TSHZ2: variants seen among roughly 807,000 people sequenced by gnomAD.
TSHZ2 encodes the protein teashirt zinc finger homeobox 2, also known as teashirt homolog 2.
Under a neutral mutation model 74.4 loss-of-function variants are expected in TSHZ2, and 21 were observed. That is an observed-to-expected ratio of 0.28 (90% CI 0.20 to 0.41). TSHZ2 has a LOEUF of 0.41. TSHZ2 is among the 10% of genes least tolerant of loss of function. The pLI, the probability that TSHZ2 is intolerant of heterozygous loss-of-function variation, is 1.00. For missense variants in TSHZ2, 1,244 were observed against 1,293.5 expected, an observed-to-expected ratio of 0.96 and a Z score of 0.59; for synonymous variants, 540 against 515.3, an observed-to-expected ratio of 1.05 and a Z score of -0.65.
intron 1 of TSHZ2, among the ~76,000 whole-genome samples, chr20:53,053,204 G>A (rs1320908671): frequency 6.6e-6 from 1 of 152,194 alleles, no homozygotes; most frequent in African/African-American, 2.4e-5. Flanking sequence ...ATTCGTTCAT[G>A]TTGTATCAGC....
At chr20:53,329,416 A>T (rs543483986) in intron 2 of TSHZ2, among the ~76,000 whole-genome samples, 23 of 152,354 alleles carry the variant, frequency 1.5e-4, no homozygotes, top group South Asian at 6.2e-4. Context: ...CACAGACCCC[A>T]GGACTGTATT....
chr20:53,205,054 G>A (rs1448044649), intron 1 of TSHZ2, among the ~76,000 whole-genome samples: 2 of 149,850 alleles, frequency 1.3e-5, no homozygotes, highest in African/African-American at 2.5e-5. Flanking sequence ...TCTCGCCACT[G>A]CACTCCAGTC....
intron 1 of TSHZ2, among the ~76,000 whole-genome samples, chr20:53,213,956 A>G (rs1356207483): frequency 6.6e-6 from 1 of 152,182 alleles, no homozygotes; most frequent in East Asian, 1.9e-4. Flanking sequence ...AATATAGGAC[A>G]TTGTGCTAAG....
intron 2 of TSHZ2, among the ~76,000 whole-genome samples, chr20:53,351,519 G>C (rs113418919): frequency 3.3e-5 from 5 of 152,176 alleles, no homozygotes; most frequent in African/African-American, 1.2e-4. Context: ...GTCAAAAAAA[G>C]TTACATAAAA....
At chr20:53,130,145 G>C (rs1052497465) in intron 1 of TSHZ2, among the ~76,000 whole-genome samples, 1 of 151,660 alleles carries the variant, frequency 6.6e-6, no homozygotes, top group African/African-American at 2.4e-5. Flanking sequence ...ATTTCTTAGC[G>C]CTAGATGCTG....
intron 1 of TSHZ2, among the ~76,000 whole-genome samples, chr20:53,000,111 C>A (rs1270022669): frequency 1.3e-5 from 2 of 152,138 alleles, no homozygotes; most frequent in Non-Finnish European, 2.9e-5. Flanking sequence ...AGAGAAGGTT[C>A]AAGTAAGTAT....
chr20:53,191,512 C>T (rs891348200), intron 1 of TSHZ2, among the ~76,000 whole-genome samples: 1 of 152,068 alleles, frequency 6.6e-6, no homozygotes, highest in African/African-American at 2.4e-5. Flanking sequence ...AAATTACAAA[C>T]ATTAGCTGGG....
chr20:53,420,890 G>A (rs1282411339), intron 2 of TSHZ2, among the ~76,000 whole-genome samples: 2 of 152,238 alleles, frequency 1.3e-5, no homozygotes, highest in Admixed American at 6.5e-5. Flanking sequence ...AAGTCTTGCA[G>A]TAAAGTCTTG....
At chr20:53,405,398 A>G (rs1269871110) in intron 2 of TSHZ2, among the ~76,000 whole-genome samples, 1 of 152,230 alleles carries the variant, frequency 6.6e-6, no homozygotes, top group African/African-American at 2.4e-5. Flanking sequence ...GGGGACTGAC[A>G]TATATTATTT....
chr20:53,205,575 G>T lies in TSHZ2; in HGVS notation c.41-47924G>T, dbSNP rs79418577. ...TTCCTTCTTTTGTGAATATGCAGCC[G>T]CACTGTCCATTTTGCAGGGTTAGGC... On this transcript the variant is annotated intron_variant, in intron 1 of 2. Transcript: ENST00000371497. Among the ~76,000 whole-genome samples the T allele has an allele frequency of 9.0e-3, 1,371 of 152,212 alleles. 19 individuals carry two copies. The highest frequency in any genetic ancestry group is 0.032 in the African/African-American group (1,314 of 41,542).
chr20:53,255,760 A>T lies in TSHZ2; in HGVS notation c.2302A>T (p.Thr768Ser). 6.2e-7 allele frequency: 1 copy of T among 1,613,854 alleles called. No homozygotes were observed. The highest frequency in any genetic ancestry group is 8.5e-7 in the Non-Finnish European group (1 of 1,179,922). The change falls in exon 2 of 3, where the codon ACC (threonine) becomes TCC (serine). Residue 768 changes from threonine (T) to serine (S), a missense_variant. Physicochemically the swap from Thr to Ser is moderately conservative, Grantham distance 58. Around this residue, in one of 6 missense-constraint regions of TSHZ2, gnomAD observed 562 missense variants for 544.0 expected, o/e 1.03. Coordinates refer to ENST00000371497, the MANE Select transcript of TSHZ2 (RefSeq NM_173485.6). The surrounding 1 kb of genome is among the most constrained non-coding windows in gnomAD (Gnocchi z 4.1). ...GAACAGCGATCAGCCCATTGACCTG[A>T]CCAAGTCCAAAAGCAAGAAAGCCGA... ...FENSDQPIDL[T>S]KSKSKKAESS... is the part of the protein sequence containing the mutation.
chr20:53,241,492 A>G (rs1219340376), intron 1 of TSHZ2, among the ~76,000 whole-genome samples: 1 of 152,130 alleles, frequency 6.6e-6, no homozygotes, highest in African/African-American at 2.4e-5. Context: ...AAAATACTCA[A>G]TCTGATAAGG....
At chr20:53,209,440 G>T (rs1351876528) in intron 1 of TSHZ2, among the ~76,000 whole-genome samples, 2 of 152,218 alleles carry the variant, frequency 1.3e-5, no homozygotes, top group Non-Finnish European at 2.9e-5. Flanking sequence ...CTACTGTGCA[G>T]TGCAGAGGGA....
intron 2 of TSHZ2, among the ~76,000 whole-genome samples, chr20:53,356,467 A>G (rs1416112282): frequency 6.6e-6 from 1 of 152,152 alleles, no homozygotes; most frequent in Non-Finnish European, 1.5e-5. Context: ...TGCTGTCACC[A>G]TCTTGAAATG....
chr20:53,231,925 C>A (rs1989832937), intron 1 of TSHZ2, among the ~76,000 whole-genome samples: 1 of 152,124 alleles, frequency 6.6e-6, no homozygotes, highest in Non-Finnish European at 1.5e-5. Flanking sequence ...TGCTCTGTTG[C>A]CCAGGCTGGA....
At chr20:53,469,152 G>A (rs749335510) in intron 2 of TSHZ2, among the ~76,000 whole-genome samples, 1 of 145,962 alleles carries the variant, frequency 6.9e-6, no homozygotes, top group Non-Finnish European at 1.5e-5. Flanking sequence ...GTCACTTCAA[G>A]TCTCTAAACC....
At chr20:53,229,298 T>C (rs1989763425) in intron 1 of TSHZ2, among the ~76,000 whole-genome samples, 1 of 152,154 alleles carries the variant, frequency 6.6e-6, no homozygotes, top group Non-Finnish European at 1.5e-5. Flanking sequence ...GGTCAGTACG[T>C]CACCTTTGCC....
chr20:53,280,759 C>G (rs1991044089), intron 2 of TSHZ2, among the ~76,000 whole-genome samples: 1 of 151,956 alleles, frequency 6.6e-6, no homozygotes, highest in Admixed American at 6.6e-5. Context: ...GTGGCGCGAT[C>G]TCAGCTCACT....
intron 1 of TSHZ2, among the ~76,000 whole-genome samples, chr20:53,192,734 T>TGGAGA (rs1988768161): frequency 6.6e-6 from 1 of 152,208 alleles, no homozygotes; most frequent in African/African-American, 2.4e-5. Flanking sequence ...CTCTGGCTTC[T>TGGAGA]CATTGGCAAT....
Sources: gnomAD v4.1 joint callset for allele counts (sites outside exome capture counted in the v4.1 genomes callset) on GRCh38, gnomAD v4.1.1 for gene constraint, gnomAD v4.1.1 regional missense constraint, Gnocchi (gnomAD v3.1) non-coding constraint, MANE v1.5 for transcripts, NCBI Gene and HGNC (gene_info 2026-07-23, HGNC 2026-07-21) for gene names.